LINGO2: variants seen among roughly 807,000 people sequenced by gnomAD.
LINGO2 encodes leucine rich repeat and Ig domain containing 2.
In LINGO2, 14 loss-of-function variants were observed where a neutral mutation model predicts 30.6. That is an observed-to-expected ratio of 0.46 (90% CI 0.30 to 0.72). The LOEUF is 0.72. LINGO2 is among the 30% of genes least tolerant of loss of function. The probability of loss-of-function intolerance (pLI) is 0.07; values close to 1 mark genes in which losing one functional copy is unlikely to be tolerated. For synonymous variants in LINGO2, 317 were observed against 288.5 expected, an observed-to-expected ratio of 1.10 and a Z score of -1.00; for missense variants, 729 against 751.7, an observed-to-expected ratio of 0.97 and a Z score of 0.35.
intron 4 of LINGO2, among the ~76,000 whole-genome samples, chr9:28,053,766 A>G (rs962374603): frequency 6.6e-6 from 1 of 152,068 alleles, no homozygotes; most frequent in Non-Finnish European, 1.5e-5. Context: ...AAAGAACGTA[A>G]ATAGAGGCAG....
the LINGO2 span, among the ~76,000 whole-genome samples, chr9:28,687,334 A>AT: frequency 6.6e-6 from 1 of 152,068 alleles, no homozygotes; most frequent in South Asian, 2.1e-4. Flanking sequence ...TAAGTGTAGG[A>AT]TTTCATTTTC....
At chr9:28,641,709 G>A (rs567466679) in intron 1 of LINGO2, among the ~76,000 whole-genome samples, 6 of 152,198 alleles carry the variant, frequency 3.9e-5, no homozygotes, top group East Asian at 3.9e-4. Flanking sequence ...ATAAAGATGC[G>A]GCAAGAAAGT....
At chr9:28,698,560 A>G in the LINGO2 span, among the ~76,000 whole-genome samples, 5 of 152,100 alleles carry the variant, frequency 3.3e-5, no homozygotes, top group African/African-American at 1.2e-4. Context: ...TTTGCAACAT[A>G]ATGAAATTCT....
chr9:28,007,289 G>A (rs1019868647), intron 5 of LINGO2, among the ~76,000 whole-genome samples: 1 of 152,066 alleles, frequency 6.6e-6, no homozygotes, highest in South Asian at 2.1e-4. Context: ...TAAAATAACA[G>A]ACACCCTGGA....
intron 2 of LINGO2, among the ~76,000 whole-genome samples, chr9:28,410,642 C>A (rs1439902132): frequency 6.6e-6 from 1 of 151,988 alleles, no homozygotes; most frequent in Non-Finnish European, 1.5e-5. Flanking sequence ...TAAAGGCTGA[C>A]AAAGTATAGT....
intron 2 of LINGO2, among the ~76,000 whole-genome samples, chr9:28,437,912 T>C (rs1202256088): frequency 6.6e-6 from 1 of 152,186 alleles, no homozygotes; most frequent in Non-Finnish European, 1.5e-5. Flanking sequence ...ACACCATAGA[T>C]CCAACTACCT....
chr9:28,507,240 T>TGC (rs1554729818), intron 1 of LINGO2, among the ~76,000 whole-genome samples: 2,801 of 149,960 alleles, frequency 0.019, 55 homozygotes, highest in Middle Eastern at 0.038. Flanking sequence ...TGTGTGTGCG[T>TGC]GCGTGCGCAC....
chr9:28,538,780 C>T (rs1010821181), intron 1 of LINGO2, among the ~76,000 whole-genome samples: 6 of 152,080 alleles, frequency 3.9e-5, no homozygotes, highest in South Asian at 2.1e-4. Context: ...TCCTCATGAC[C>T]GAAACACCTC....
intron 4 of LINGO2, among the ~76,000 whole-genome samples, chr9:28,252,338 G>T (rs141600885): frequency 6.6e-6 from 1 of 152,108 alleles, no homozygotes; most frequent in East Asian, 1.9e-4. Flanking sequence ...TGATTCTCCT[G>T]CCTCAGTCTC....
chr9:28,470,394 A>G (rs892305102), intron 2 of LINGO2, among the ~76,000 whole-genome samples: 1 of 152,220 alleles, frequency 6.6e-6, no homozygotes, highest in Non-Finnish European at 1.5e-5. Flanking sequence ...CATATCATCC[A>G]GGCTCTCACA....
intron 5 of LINGO2, among the ~76,000 whole-genome samples, chr9:27,988,512 T>C (rs1821235257): frequency 6.6e-6 from 1 of 152,024 alleles, no homozygotes; most frequent in Non-Finnish European, 1.5e-5. Flanking sequence ...CCAGCACCTG[T>C]TGTTTCCTGA....
At chr9:27,964,429 G>C (rs1309294799) in intron 5 of LINGO2, among the ~76,000 whole-genome samples, 1 of 152,010 alleles carries the variant, frequency 6.6e-6, no homozygotes, top group African/African-American at 2.4e-5. Context: ...ACTGATATAT[G>C]CTGGCAATTA....
chr9:27,998,968 C>T (rs1040965561), intron 5 of LINGO2, among the ~76,000 whole-genome samples: 1 of 152,082 alleles, frequency 6.6e-6, no homozygotes, highest in African/African-American at 2.4e-5. Context: ...ACAGAAGGTG[C>T]AGATTAGGGT....
Position 28,121,440 on chromosome 9 carries a change from T to C in LINGO2, c.-86-109035A>G, listed in dbSNP as rs561518843. On this transcript the variant is annotated intron_variant, in intron 4 of 5. Coordinates refer to ENST00000379992, the Ensembl canonical transcript of LINGO2. ...TTTTATCTCGTTAAAATTTAAATTC[T>C]TTATCTTTGATTATCCTTACTTCCT... Among the ~76,000 whole-genome samples the C allele has an allele frequency of 3.9e-5, 6 of 152,302 alleles. No individual in the cohort carries two copies. In the South Asian group the frequency reaches 1.2e-3, roughly 32 times the overall value.
In LINGO2 at chr9:28,639,509, C is replaced by T. The variant is rs548890611; in HGVS notation, c.-365+30691G>A. 2.8e-3 allele frequency among the ~76,000 whole-genome samples: 423 copies of T among 151,924 alleles called. 3 individuals are homozygous for T. Among genetic ancestry groups the T allele is most frequent in the African/African-American group, 9.6e-3 (400 of 41,476 alleles). ...CTTTATGAATCTGGGTGCTCCTGTGCTGGGTGCATATATATTTAGGATAGT... is the reference window on the plus strand; with the variant it reads ...CTTTATGAATCTGGGTGCTCCTGTGTTGGGTGCATATATATTTAGGATAGT... On this transcript the variant is annotated intron_variant, in intron 1 of 5. Transcript: ENST00000379992.
chr9:28,444,408 C>T (rs1281479807), intron 2 of LINGO2, among the ~76,000 whole-genome samples: 1 of 152,208 alleles, frequency 6.6e-6, no homozygotes, highest in Non-Finnish European at 1.5e-5. Flanking sequence ...CTGGGCAAGC[C>T]CATGAGTTGT....
chr9:28,254,018 C>G (rs1009527515), intron 4 of LINGO2, among the ~76,000 whole-genome samples: 8 of 152,002 alleles, frequency 5.3e-5, no homozygotes, highest in African/African-American at 1.9e-4. Flanking sequence ...CCCTTTTGCC[C>G]AACAAATTCC....
chr9:28,771,923 A>G, the LINGO2 span, among the ~76,000 whole-genome samples: 3 of 152,112 alleles, frequency 2.0e-5, no homozygotes, highest in African/African-American at 7.2e-5. Flanking sequence ...CATTTTATTG[A>G]CATTATCTTT....
At chr9:28,264,807 T>C (rs1354201057) in intron 4 of LINGO2, among the ~76,000 whole-genome samples, 4 of 151,958 alleles carry the variant, frequency 2.6e-5, no homozygotes, top group East Asian at 1.9e-4. Context: ...TAAACACTAG[T>C]CTAAATGGTA....
Sources: gnomAD v4.1 joint callset for allele counts (sites outside exome capture counted in the v4.1 genomes callset) on GRCh38, gnomAD v4.1.1 for gene constraint, MANE v1.5 for transcripts, NCBI Gene and HGNC (gene_info 2026-07-23, HGNC 2026-07-21) for gene names.